KCNIP4: variants seen among roughly 807,000 people sequenced by gnomAD.
KCNIP4 encodes the protein potassium voltage-gated channel interacting protein 4.
Under a neutral mutation model 34.0 loss-of-function variants are expected in KCNIP4, and 12 were observed. The ratio of observed to expected loss-of-function variants is 0.35; its 90% CI spans 0.23 to 0.57. KCNIP4 has a LOEUF of 0.57. Among genes scored for constraint, KCNIP4 ranks in the 20% least tolerant of loss-of-function variants. The probability of loss-of-function intolerance (pLI) is 0.83; values close to 1 mark genes in which losing one functional copy is unlikely to be tolerated. For synonymous variants in KCNIP4, 124 were observed against 102.2 expected, an observed-to-expected ratio of 1.21 and a Z score of -1.29; for missense variants, 238 against 311.7, an observed-to-expected ratio of 0.76 and a Z score of 1.78.
chr4:21,762,920 CATG>C, intron 1 of KCNIP4: 1 of 1,288,114 alleles, frequency 7.8e-7, no homozygotes, highest in Non-Finnish European at 1.0e-6. Flanking sequence ...GAAGGACTCA[CATG>C]ATGATCTGAC....
intron 1 of KCNIP4, among the ~76,000 whole-genome samples, chr4:21,901,803 G>A (rs549504682): frequency 1.3e-5 from 2 of 152,106 alleles, no homozygotes; most frequent in East Asian, 1.9e-4. Flanking sequence ...CCCAAAGAGA[G>A]ACAATATAAA....
chr4:21,703,681 A>T (rs1713041199), intron 1 of KCNIP4, among the ~76,000 whole-genome samples: 1 of 152,172 alleles, frequency 6.6e-6, no homozygotes. Flanking sequence ...GGTGTGTGTC[A>T]AACAAAACAT....
intron 1 of KCNIP4, among the ~76,000 whole-genome samples, chr4:21,233,517 G>A (rs1484844698): frequency 6.6e-6 from 1 of 151,988 alleles, no homozygotes; most frequent in Non-Finnish European, 1.5e-5. Flanking sequence ...GGATTCAGAA[G>A]AGAGAGAGGC....
intron 1 of KCNIP4, among the ~76,000 whole-genome samples, chr4:21,399,176 G>A (rs1414133528): frequency 6.6e-6 from 1 of 152,218 alleles, no homozygotes; most frequent in African/African-American, 2.4e-5. Context: ...GGGCTTCCAG[G>A]TTGAGGCATG....
chr4:21,409,369 C>A (rs537377557), intron 1 of KCNIP4, among the ~76,000 whole-genome samples: 6 of 152,196 alleles, frequency 3.9e-5, no homozygotes, highest in Admixed American at 2.6e-4. Flanking sequence ...CCTCCCAAGG[C>A]ACTGGAATTA....
chr4:21,515,044 T>G (rs548401463), intron 1 of KCNIP4, among the ~76,000 whole-genome samples: 1 of 152,302 alleles, frequency 6.6e-6, no homozygotes, highest in Admixed American at 6.5e-5. Context: ...CTATCCTAAA[T>G]TTCTTTCAGT....
intron 1 of KCNIP4, among the ~76,000 whole-genome samples, chr4:21,102,169 C>T (rs568421140): frequency 1.3e-5 from 2 of 152,226 alleles, no homozygotes; most frequent in African/African-American, 4.8e-5. Context: ...ACTATTGTGT[C>T]TAGTATTTGG....
intron 1 of KCNIP4, among the ~76,000 whole-genome samples, chr4:21,366,007 G>T (rs1177076590): frequency 6.6e-6 from 1 of 152,210 alleles, no homozygotes; most frequent in Non-Finnish European, 1.5e-5. Context: ...TGTGGCCATG[G>T]TGATGTTCAG....
intron 1 of KCNIP4, among the ~76,000 whole-genome samples, chr4:21,709,630 A>C (rs568560753): frequency 6.8e-6 from 1 of 146,948 alleles, no homozygotes; most frequent in African/African-American, 2.7e-5. Context: ...ATCATCAACA[A>C]AAAAAACAGG....
At chr4:20,859,452 T>G (rs569967501) in intron 2 of KCNIP4, among the ~76,000 whole-genome samples, 1 of 152,252 alleles carries the variant, frequency 6.6e-6, no homozygotes, top group Non-Finnish European at 1.5e-5. Context: ...TCTAACAAAT[T>G]TAATTTTAAT....
At chr4:21,078,706 G>C (rs1341035372) in intron 1 of KCNIP4, among the ~76,000 whole-genome samples, 2 of 152,054 alleles carry the variant, frequency 1.3e-5, no homozygotes, top group Non-Finnish European at 2.9e-5. Context: ...AAAATGATGA[G>C]TTTACATTAA....
intron 1 of KCNIP4, among the ~76,000 whole-genome samples, chr4:21,779,544 T>G (rs906634719): frequency 6.6e-6 from 1 of 152,168 alleles, no homozygotes; most frequent in African/African-American, 2.4e-5. Context: ...ACCATAAATA[T>G]ATACACTTTT....
At chr4:21,629,054 G>T (rs1048135763) in intron 1 of KCNIP4, among the ~76,000 whole-genome samples, 1 of 152,158 alleles carries the variant, frequency 6.6e-6, no homozygotes, top group Non-Finnish European at 1.5e-5. Flanking sequence ...AAGGTGTTGG[G>T]TGGGTCACAG....
At chr4:20,731,012 T>TTAAAAATAAA (rs1336918848) in intron 8 of KCNIP4, among the ~76,000 whole-genome samples, 1 of 152,166 alleles carries the variant, frequency 6.6e-6, no homozygotes, top group Non-Finnish European at 1.5e-5. Flanking sequence ...GAACAACAAT[T>TTAAAAATAAA]TAAAAATAAA....
chr4:21,760,067 A>C (rs1717940328), intron 1 of KCNIP4, among the ~76,000 whole-genome samples: 1 of 152,166 alleles, frequency 6.6e-6, no homozygotes, highest in Non-Finnish European at 1.5e-5. Flanking sequence ...CTACAAATAG[A>C]AATATTGAAT....
chr4:20,838,442 T>G (rs1719326429), intron 3 of KCNIP4, among the ~76,000 whole-genome samples: 1 of 152,184 alleles, frequency 6.6e-6, no homozygotes, highest in Non-Finnish European at 1.5e-5. Flanking sequence ...TTTGTTCCCC[T>G]AAATCCAACT....
intron 1 of KCNIP4, among the ~76,000 whole-genome samples, chr4:21,258,380 ATTTAC>A (rs1464586665): frequency 1.3e-5 from 2 of 152,142 alleles, no homozygotes; most frequent in Admixed American, 1.3e-4. Context: ...GAAAATGCAA[ATTTAC>A]TTTATCATGT....
At chr4:21,312,116 A>T (rs187910112) in intron 1 of KCNIP4, among the ~76,000 whole-genome samples, 1 of 152,330 alleles carries the variant, frequency 6.6e-6, no homozygotes, top group Admixed American at 6.5e-5. Flanking sequence ...AGTTAAATGG[A>T]GGAACAATAG....
At chr4:21,565,358 T>C (rs947498431) in intron 1 of KCNIP4, among the ~76,000 whole-genome samples, 1 of 152,144 alleles carries the variant, frequency 6.6e-6, no homozygotes, top group African/African-American at 2.4e-5. Context: ...GAGCCCTACC[T>C]TCATGATTTC....
Sources: gnomAD v4.1 joint callset for allele counts (sites outside exome capture counted in the v4.1 genomes callset) on GRCh38, gnomAD v4.1.1 for gene constraint, MANE v1.5 for transcripts, NCBI Gene and HGNC (gene_info 2026-07-23, HGNC 2026-07-21) for gene names.